FABP6: variants seen among roughly 807,000 people sequenced by gnomAD.
FABP6 encodes gastrotropin.
FABP6 carries 13 observed loss-of-function variants against 14.9 expected under a neutral mutation model. The ratio of observed to expected loss-of-function variants is 0.87; its 90% CI spans 0.57 to 1.39. The LOEUF is 1.39. FABP6 is among the 40% of genes most tolerant of loss of function. The probability of loss-of-function intolerance (pLI) is 0.00; values close to 1 mark genes in which losing one functional copy is unlikely to be tolerated. For synonymous variants in FABP6, 75 were observed against 63.6 expected (o/e 1.18, Z -0.85); for missense variants, 161 against 167.2 (o/e 0.96, Z 0.20).
chr5:160,230,554 G>A (rs1257393052), intron 1 of FABP6, among the ~76,000 whole-genome samples: 3 of 151,830 alleles, frequency 2.0e-5, no homozygotes, highest in African/African-American at 7.3e-5. Flanking sequence ...TAGAGACGGG[G>A]TATCACCCTG....
In FABP6 at chr5:160,188,799, C is replaced by G. The variant is rs1032852322; in HGVS notation, c.-59+1345C>G. Among the ~76,000 whole-genome samples the G allele has an allele frequency of 2.0e-5, 3 of 152,292 alleles. No homozygotes were observed. The South Asian group carries it at 6.2e-4, about 32-fold the overall frequency. On this transcript the variant is annotated intron_variant, in intron 1 of 6. Coordinates refer to the FABP6 transcript ENST00000393980. ...GGACTCATTTCTGCAAGGCCCCTCC[C>G]GGTTGGAGCGGTTCCCTGCAATTCC...
intron 3 of FABP6, 94 bp downstream of exon 3, chr5:160,235,003 TACC>T (rs1423199745): frequency 2.0e-6 from 2 of 999,340 alleles, no homozygotes; most frequent in Admixed American, 4.7e-5. Flanking sequence ...CAGCTGGCTT[TACC>T]AGCACTTCCC....
upstream of FABP6, among the ~76,000 whole-genome samples, chr5:160,228,006 T>C (rs1760288055): frequency 6.6e-6 from 1 of 152,082 alleles, no homozygotes; most frequent in African/African-American, 2.4e-5. Context: ...AGTCAGCAAC[T>C]GTATTGAATT....
intron 1 of FABP6, chr5:160,195,907 C>G (rs1349946413): frequency 3.3e-5 from 5 of 152,284 alleles, no homozygotes; most frequent in Non-Finnish European, 7.3e-5. Context: ...TCAGGGAGGC[C>G]TGCAGTCTGC....
intron 1 of FABP6, among the ~76,000 whole-genome samples, chr5:160,191,448 C>T (rs2113050624): frequency 7.6e-6 from 1 of 132,364 alleles, no homozygotes; most frequent in South Asian, 2.7e-4. Context: ...GCCTGGGCAA[C>T]AAGAGTGAAA....
intron 3 of FABP6, among the ~76,000 whole-genome samples, chr5:160,216,058 A>G (rs4272169): frequency 0.21 from 31,682 of 152,120 alleles, 3,434 homozygotes; most frequent in South Asian, 0.25. Flanking sequence ...GAGTAGGGAT[A>G]CATCCATGGG....
chr5:160,199,664 A>G (rs1445388846), intron 2 of FABP6, among the ~76,000 whole-genome samples: 1 of 151,880 alleles, frequency 6.6e-6, no homozygotes, highest in Non-Finnish European at 1.5e-5. Flanking sequence ...TCCCCCTGCT[A>G]TCTTCATCCC....
intron 1 of FABP6, among the ~76,000 whole-genome samples, chr5:160,195,326 A>G (rs1312773055): frequency 1.4e-5 from 2 of 142,022 alleles, no homozygotes; most frequent in African/African-American, 5.2e-5. Context: ...CTCCTTTCTG[A>G]GGCCAGCACA....
At chr5:160,211,816 C>T (rs1759896903) in intron 2 of FABP6, among the ~76,000 whole-genome samples, 2 of 152,218 alleles carry the variant, frequency 1.3e-5, no homozygotes, top group South Asian at 2.1e-4. Flanking sequence ...ATGCCTGAGC[C>T]GACCAACAAG....
chr5:160,207,922 C>T (rs1291562490), intron 2 of FABP6, among the ~76,000 whole-genome samples: 1 of 152,082 alleles, frequency 6.6e-6, no homozygotes, highest in Non-Finnish European at 1.5e-5. Flanking sequence ...CGGAGTTTCA[C>T]CATGTTGGCC....
At position 160,229,628 on chromosome 5, in the gene FABP6, A is replaced by G; in HGVS notation, c.67+4A>G. The G allele has an allele frequency of 1.2e-6, 2 of 1,613,558 alleles. No individual in the cohort carries two copies. Among genetic ancestry groups the G allele is most frequent in the South Asian group, 2.2e-5 (2 of 91,022 alleles). On this transcript the variant is annotated splice_donor_region_variant and intron_variant, in intron 1 of 3. Transcript: ENST00000402432. ...GATGAGTTCATGAAGCTCCTTGGTG[A>G]GTGAGCTCCTGGGTATCCCTTCCTC...
chr5:160,231,091 T>TA (rs1760370699), intron 1 of FABP6, among the ~76,000 whole-genome samples: 1 of 152,010 alleles, frequency 6.6e-6, no homozygotes, highest in Non-Finnish European at 1.5e-5. Context: ...ACCCGTGCCC[T>TA]CCCTCTTGGT....
intron 2 of FABP6, 81 bp downstream of exon 2, chr5:160,232,354 G>C (rs755034194): frequency 7.9e-6 from 11 of 1,391,106 alleles, no homozygotes; most frequent in Non-Finnish European, 1.1e-5. Flanking sequence ...CCCCGCTCCC[G>C]AGCTGAGGCT....
intron 3 of FABP6, among the ~76,000 whole-genome samples, chr5:160,221,421 G>C (rs1187795078): frequency 6.6e-6 from 1 of 152,114 alleles, no homozygotes; most frequent in East Asian, 1.9e-4. Context: ...TTCCAGGCAG[G>C]CCAAGGCAGG....
intron 1 of FABP6, among the ~76,000 whole-genome samples, chr5:160,188,852 C>T (rs1272578735): frequency 6.6e-6 from 1 of 152,170 alleles, no homozygotes; most frequent in African/African-American, 2.4e-5. Flanking sequence ...GAAACTCTTC[C>T]CTCCCCCATC....
chr5:160,238,721 C>T, downstream of FABP6: 6 of 1,522,384 alleles, frequency 3.9e-6, no homozygotes, highest in Middle Eastern at 1.7e-4. Context: ...AGGACAGACG[C>T]TGCTCGCTCC....
intron 2 of FABP6, among the ~76,000 whole-genome samples, chr5:160,212,863 C>G (rs1026313046): frequency 6.6e-6 from 1 of 152,076 alleles, no homozygotes; most frequent in Admixed American, 6.6e-5. Flanking sequence ...GTGATCTGCC[C>G]GCCTCGGCCT....
intron 3 of FABP6, among the ~76,000 whole-genome samples, chr5:160,223,912 C>T (rs1760188328): frequency 7.1e-6 from 1 of 141,232 alleles, no homozygotes; most frequent in Admixed American, 7.4e-5. Context: ...CCAGCCTAGG[C>T]AACAAAGTGA....
intron 1 of FABP6, among the ~76,000 whole-genome samples, chr5:160,192,546 G>A (rs1222986742): frequency 6.6e-6 from 1 of 152,226 alleles, no homozygotes; most frequent in African/African-American, 2.4e-5. Flanking sequence ...ATTAGGCCTG[G>A]ATCCCCTCTC....
Sources: allele counts gnomAD v4.1 joint callset (sites outside exome capture counted in the v4.1 genomes callset), GRCh38; gene constraint gnomAD v4.1.1; transcripts MANE v1.5; gene names NCBI Gene and HGNC (gene_info 2026-07-23, HGNC 2026-07-21).